The following ASIC2 variants were observed in gnomAD, a reference collection of about 807,000 sequenced individuals.
The protein encoded by ASIC2 is acid-sensing ion channel 2.
A neutral mutation model predicts 57.3 loss-of-function variants in ASIC2; 25 were observed. That is an observed-to-expected ratio of 0.44 (90% CI 0.32 to 0.61). ASIC2 has a LOEUF of 0.61. ASIC2 is among the 20% of genes least tolerant of loss of function. The probability of loss-of-function intolerance (pLI) is 0.06; values close to 1 mark genes in which losing one functional copy is unlikely to be tolerated. For missense variants in ASIC2, 641 were observed against 738.1 expected, an observed-to-expected ratio of 0.87 and a Z score of 1.52; for synonymous variants, 319 against 307.5, an observed-to-expected ratio of 1.04 and a Z score of -0.39.
chr17:33,874,697 C>T (rs1914508430), intron 1 of ASIC2, among the ~76,000 whole-genome samples: 1 of 152,222 alleles, frequency 6.6e-6, no homozygotes, highest in African/African-American at 2.4e-5. Context: ...TACTGGCATC[C>T]CCACCCTCCT....
chr17:33,939,684 A>G (rs1317647419), intron 1 of ASIC2, among the ~76,000 whole-genome samples: 1 of 152,198 alleles, frequency 6.6e-6, no homozygotes. Context: ...GCTGGGATGA[A>G]GTACCACAGG....
chr17:34,116,874 A>C (rs1911437878), intron 1 of ASIC2, among the ~76,000 whole-genome samples: 1 of 151,926 alleles, frequency 6.6e-6, no homozygotes, highest in Admixed American at 6.6e-5. Context: ...AGGGCGTATA[A>C]TATGTGTGTG....
intron 1 of ASIC2, among the ~76,000 whole-genome samples, chr17:34,124,151 T>G (rs1294417711): frequency 1.3e-5 from 2 of 152,202 alleles, no homozygotes; most frequent in African/African-American, 4.8e-5. Flanking sequence ...GTATTATTTT[T>G]CTCACCATTT....
At chr17:33,216,669 TTG>T (rs1480554666) in intron 1 of ASIC2, among the ~76,000 whole-genome samples, 1 of 151,902 alleles carries the variant, frequency 6.6e-6, no homozygotes. Flanking sequence ...AAGAAATGAG[TTG>T]GGAATGGCTG....
At chr17:33,771,943 T>C (rs1314949148) in intron 1 of ASIC2, among the ~76,000 whole-genome samples, 4 of 152,218 alleles carry the variant, frequency 2.6e-5, no homozygotes, top group Non-Finnish European at 5.9e-5. Flanking sequence ...GTATGTAGTA[T>C]GTAAATTGTT....
chr17:33,274,943 G>A (rs577521227), intron 1 of ASIC2, among the ~76,000 whole-genome samples: 2 of 152,124 alleles, frequency 1.3e-5, no homozygotes, highest in Admixed American at 6.5e-5. Flanking sequence ...AGATGATCCT[G>A]GTGCCCCCTA....
chr17:33,675,010 G>T (rs923136661), intron 1 of ASIC2, among the ~76,000 whole-genome samples: 2 of 152,166 alleles, frequency 1.3e-5, no homozygotes, highest in Admixed American at 1.3e-4. Context: ...ATAAACAAAG[G>T]TGGGCACTTT....
intron 1 of ASIC2, among the ~76,000 whole-genome samples, chr17:33,351,791 A>C (rs185183462): frequency 2.8e-4 from 43 of 152,222 alleles, no homozygotes; most frequent in African/African-American, 9.9e-4. Context: ...AGCTTTTCTG[A>C]AGGTTTTCTT....
At chr17:33,465,479 T>G (rs971310916) in intron 1 of ASIC2, among the ~76,000 whole-genome samples, 1 of 151,792 alleles carries the variant, frequency 6.6e-6, no homozygotes, top group African/African-American at 2.4e-5. Context: ...TTCAAGCCGA[T>G]TCTCCTGCCT....
chr17:33,864,392 G>C (rs1458683179), intron 1 of ASIC2, among the ~76,000 whole-genome samples: 1 of 152,180 alleles, frequency 6.6e-6, no homozygotes, highest in Non-Finnish European at 1.5e-5. Context: ...TAACATGTGG[G>C]AAATGCTAGT....
intron 1 of ASIC2, among the ~76,000 whole-genome samples, chr17:33,132,580 T>C (rs1369939731): frequency 6.6e-6 from 1 of 152,206 alleles, no homozygotes; most frequent in East Asian, 1.9e-4. Context: ...CACACATGCA[T>C]GCACGTACAT....
At chr17:34,007,994 T>C (rs532417164) in intron 1 of ASIC2, among the ~76,000 whole-genome samples, 2 of 152,174 alleles carry the variant, frequency 1.3e-5, no homozygotes, top group African/African-American at 4.8e-5. Context: ...TTTCTTTGAG[T>C]TTCTAAATAG....
chr17:33,294,342 G>A (rs117142632), upstream of ASIC2, among the ~76,000 whole-genome samples: 2,197 of 152,272 alleles, frequency 0.014, 28 homozygotes, highest in Middle Eastern at 0.044. Flanking sequence ...GAGGCTTGGG[G>A]AAGCAGAGAT....
chr17:33,677,464 T>C (rs1056764649), intron 1 of ASIC2, among the ~76,000 whole-genome samples: 25 of 152,222 alleles, frequency 1.6e-4, no homozygotes, highest in Non-Finnish European at 3.2e-4. Flanking sequence ...CTGCCATAGA[T>C]AGTAATTCCC....
chr17:33,544,210 C>T (rs1915510009), intron 1 of ASIC2, among the ~76,000 whole-genome samples: 1 of 152,170 alleles, frequency 6.6e-6, no homozygotes, highest in Admixed American at 6.6e-5. Context: ...GCCTGTGTCA[C>T]CAGTCTGTTC....
chr17:33,173,368 A>AC (rs1462280840), intron 1 of ASIC2, among the ~76,000 whole-genome samples: 1 of 151,926 alleles, frequency 6.6e-6, no homozygotes, highest in African/African-American at 2.4e-5. Flanking sequence ...GCCACCACAG[A>AC]CCCCAGGTAC....
rs942220633 is a variant in ASIC2, at chr17:33,027,821, T to A, written c.1138+421A>T. Among the ~76,000 whole-genome samples the A allele has an allele frequency of 6.6e-5, 10 of 152,244 alleles. 1 individual carries two copies. The highest frequency in any genetic ancestry group is 3.3e-4 in the Admixed American group (5 of 15,288). ...ATGTGCACATTTATTTGCTGGCCAA[T>A]AGACTTTTGCCTCATTTGAAGGAGT... On this transcript the variant is annotated intron_variant, in intron 4 of 9. Transcript: ENST00000225823.
chr17:33,045,020 G>C (rs2091947345), intron 3 of ASIC2, among the ~76,000 whole-genome samples: 1 of 152,154 alleles, frequency 6.6e-6, no homozygotes, highest in Admixed American at 6.5e-5. Flanking sequence ...GGTATAAAGA[G>C]GTGGGGAAGC....
At chr17:33,568,987 A>C (rs1295559760) in intron 1 of ASIC2, among the ~76,000 whole-genome samples, 4 of 152,162 alleles carry the variant, frequency 2.6e-5, no homozygotes, top group Non-Finnish European at 5.9e-5. Flanking sequence ...AAAATTGATG[A>C]GTTTTGATTT....
Sources: allele counts gnomAD v4.1 joint callset (sites outside exome capture counted in the v4.1 genomes callset), GRCh38; gene constraint gnomAD v4.1.1; transcripts MANE v1.5; gene names NCBI Gene and HGNC (gene_info 2026-07-23, HGNC 2026-07-21).